The following PTPN14 variants were observed in gnomAD, a reference collection of about 807,000 sequenced individuals.
PTPN14 encodes protein tyrosine phosphatase non-receptor type 14.
Under a neutral mutation model 126.8 loss-of-function variants are expected in PTPN14, and 53 were observed. That is an observed-to-expected ratio of 0.42 (90% CI 0.34 to 0.53). PTPN14 has a LOEUF of 0.53. PTPN14 is among the 20% of genes least tolerant of loss of function. PTPN14 has a pLI of 0.08. For missense variants in PTPN14, 1,257 were observed against 1,552.9 expected (o/e 0.81, Z 3.20); for synonymous variants, 630 against 599.3 (o/e 1.05, Z -0.75).
chr1:214,383,827 C>A lies in PTPN14; in HGVS notation c.2028G>T (p.Pro676=), dbSNP rs200185375. Residue 676 remains proline (P), a synonymous_variant, in exon 13 of 19, where the codon CCG becomes CCT. Transcript: ENST00000366956. The surrounding 1 kb of genome is among the most constrained non-coding windows in gnomAD (Gnocchi z 4.4). ...CGTGGCTGCCTGACCCCTCCTCGGG[C>A]GGTCCCTGCTCCCGGAGCGTGTTGC... ...ARRNTLREQG[P]PEEGSGSHEV... The A allele has an allele frequency of 1.9e-6, 3 of 1,612,412 alleles. No homozygotes were observed. Among genetic ancestry groups the A allele is most frequent in the Non-Finnish European group, 2.5e-6 (3 of 1,179,988 alleles).
At chr1:214,470,541 T>C (rs1415413501) in intron 1 of PTPN14, among the ~76,000 whole-genome samples, 1 of 151,820 alleles carries the variant, frequency 6.6e-6, no homozygotes, top group African/African-American at 2.4e-5. Context: ...CCAACACTTT[T>C]GGAGGCCGGG....
rs116196002 is a variant in PTPN14 at position 214,439,700 on chromosome 1, T to C, written c.344+12105A>G. 2.0e-4 allele frequency among the ~76,000 whole-genome samples: 31 copies of C among 152,308 alleles called. No homozygotes were observed. In the South Asian group the frequency reaches 3.1e-3, roughly 15 times the overall value. ...CAAAGTACACCAGAAAGCAGTATCA[T>C]TATTTGAGTCACACCTGGTAACTTG... is the stretch of plus-strand genomic sequence containing the variant. On this transcript the variant is annotated intron_variant, in intron 3 of 18. Coordinates refer to ENST00000366956, the MANE Select transcript of PTPN14 (RefSeq NM_005401.5).
intron 14 of PTPN14, among the ~76,000 whole-genome samples, chr1:214,377,242 A>G (rs1200376262): frequency 1.3e-5 from 2 of 152,256 alleles, no homozygotes; most frequent in African/African-American, 2.4e-5. Flanking sequence ...ATGGAGCTGG[A>G]GGCTATTATC....
At position 214,427,566 on chromosome 1, in the gene PTPN14, G is replaced by C. The variant is rs1659697155; in HGVS notation, c.345-12840C>G. On this transcript the variant is annotated intron_variant, in intron 3 of 18. Coordinates refer to ENST00000366956, the MANE Select transcript of PTPN14 (RefSeq NM_005401.5). Reference sequence around the variant, plus strand: ...CTTAATGAGCACCTACTACATGCCAGGAGTTATTCTAGGCACTAGGGATAT... The same window carrying C: ...CTTAATGAGCACCTACTACATGCCACGAGTTATTCTAGGCACTAGGGATAT... Among the ~76,000 whole-genome samples the C allele has an allele frequency of 2.0e-5, 3 of 152,216 alleles. No homozygotes were observed. In the South Asian group the frequency reaches 6.2e-4, roughly 32 times the overall value.
Position 214,384,669 on chromosome 1 carries a change from AGTT to A in PTPN14, c.1183_1185del (p.Asn395del). On this transcript the variant is annotated inframe_deletion, in exon 13 of 19. Transcript: ENST00000366956. This position sits in a 1 kb window ranked among gnomAD's most constrained non-coding sequence, Gnocchi z 5.3. Reference sequence around the variant, plus strand: ...ATGAAACTTTGCGAGCAGTTGAGGGAGTTGACGCTGTGAACGCTACACACGCTG... The same window carrying A: ...ATGAAACTTTGCGAGCAGTTGAGGGAGACGCTGTGAACGCTACACACGCTG... 1 of 1,614,060 alleles carries A rather than the reference AGTT, an allele frequency of 6.2e-7. No individual in the cohort carries two copies. Among genetic ancestry groups the A allele is most frequent in the Non-Finnish European group, 8.5e-7 (1 of 1,180,016 alleles).
chr1:214,391,127 G>T, intron 10 of PTPN14, 82 bp from the exon 11 acceptor site: 1 of 941,632 alleles, frequency 1.1e-6, no homozygotes, highest in Admixed American at 2.9e-5. Flanking sequence ...GAGAGGAAGA[G>T]AATAAACAAG....
intron 1 of PTPN14, among the ~76,000 whole-genome samples, chr1:214,550,439 G>A (rs186225485): frequency 7.0e-4 from 107 of 152,274 alleles, no homozygotes; most frequent in Middle Eastern, 3.4e-3. Flanking sequence ...GAAGTGAGAG[G>A]GAAAGGGAGA....
intron 5 of PTPN14, among the ~76,000 whole-genome samples, chr1:214,403,939 C>T (rs547726580): frequency 4.9e-4 from 75 of 152,186 alleles, no homozygotes; most frequent in Middle Eastern, 6.8e-3. Context: ...ACCTCCAGAG[C>T]AGATGTCAGA....
intron 1 of PTPN14, chr1:214,528,327 T>C (rs1655453960): frequency 6.6e-6 from 1 of 152,122 alleles, no homozygotes; most frequent in South Asian, 2.1e-4. Flanking sequence ...CACCTGGAAA[T>C]AACCCAAATA....
At position 214,464,699 on chromosome 1, in the gene PTPN14, G is replaced by C. The variant is rs777612164; in HGVS notation, c.105C>G (p.Cys35Trp). Residue 35 changes from cysteine to tryptophan, a missense_variant, in exon 2 of 19, where the codon TGC becomes TGG. By Grantham distance (215) the Cys-to-Trp change is radical (BLOSUM62 -2). This residue lies in a region of PTPN14 where 1,021 missense variants were observed against 1,183.3 expected (regional missense o/e 0.86). Transcript: ENST00000366956. ...IRLLDSNVIE[C>W]TLSVESTGQE... The stretch of plus-strand genomic sequence containing the variant: ...GCCCTGTGCTTTCCACCGACAGCGT[G>C]CACTCGATAACATTGCTGTCCAGCA... The C allele has an allele frequency of 5.0e-6, 8 of 1,614,172 alleles. No individual in the cohort carries two copies. The African/African-American group carries it at 1.1e-4, about 22-fold the overall frequency.
chr1:214,500,027 T>G (rs1654641904), intron 1 of PTPN14, among the ~76,000 whole-genome samples: 1 of 151,560 alleles, frequency 6.6e-6, no homozygotes, highest in Admixed American at 6.6e-5. Flanking sequence ...TGAGAAAATG[T>G]CACACATTGT....
intron 12 of PTPN14, among the ~76,000 whole-genome samples, chr1:214,385,194 T>C (rs886136732): frequency 6.6e-6 from 1 of 152,072 alleles, no homozygotes; most frequent in East Asian, 1.9e-4. Flanking sequence ...AATAGGGCAA[T>C]AGATTTCAAT....
intron 3 of PTPN14, among the ~76,000 whole-genome samples, chr1:214,432,742 T>A (rs371519915): frequency 2.8e-5 from 4 of 144,502 alleles, no homozygotes; most frequent in Non-Finnish European, 4.6e-5. Flanking sequence ...AGTTTTTTTT[T>A]AAAAGAAAAG....
At chr1:214,475,118 G>A (rs56156299) in intron 1 of PTPN14, among the ~76,000 whole-genome samples, 2,485 of 152,192 alleles carry the variant, frequency 0.016, 68 homozygotes, top group African/African-American at 0.057. Flanking sequence ...CTACAGCTTT[G>A]TATGTGCCTA....
intron 2 of PTPN14, among the ~76,000 whole-genome samples, chr1:214,456,220 CA>C (rs1459454730): frequency 6.6e-6 from 1 of 152,156 alleles, no homozygotes; most frequent in East Asian, 1.9e-4. Flanking sequence ...CATCCAGAAG[CA>C]AAAGTTTAAA....
At position 214,392,503 on chromosome 1, in the gene PTPN14, A is replaced by G. The variant is rs78353194; in HGVS notation, c.929+1192T>C. Among the ~76,000 whole-genome samples the G allele has an allele frequency of 6.5e-3, 983 of 152,294 alleles. 12 individuals are homozygous for G. The highest frequency in any genetic ancestry group is 0.022 in the African/African-American group (930 of 41,554). On this transcript the variant is annotated intron_variant, in intron 10 of 18. Transcript: ENST00000366956. ...TTCTCAGTTTTTAAATTCATCCTAC[A>G]GAAGTCAAGGATAGCATTCTTGTTC... is the stretch of plus-strand genomic sequence containing the variant.
intron 13 of PTPN14, among the ~76,000 whole-genome samples, chr1:214,381,927 C>A (rs756987863): frequency 7.2e-5 from 11 of 152,032 alleles, no homozygotes; most frequent in Non-Finnish European, 1.6e-4. Flanking sequence ...TTTTCTGAGA[C>A]GGGGTCTTGC....
At chr1:214,461,632 C>T (rs1660514781) in intron 2 of PTPN14, among the ~76,000 whole-genome samples, 2 of 40,902 alleles carry the variant, frequency 4.9e-5, no homozygotes, top group Non-Finnish European at 8.9e-5. Context: ...CCTGTCTCAA[C>T]TGGAAAAAAA....
chr1:214,433,527 A>T (rs1659839775), intron 3 of PTPN14, among the ~76,000 whole-genome samples: 1 of 152,124 alleles, frequency 6.6e-6, no homozygotes, highest in Non-Finnish European at 1.5e-5. Context: ...GATTCCTACA[A>T]GGATTGATTG....
Sources: allele counts gnomAD v4.1 joint callset (sites outside exome capture counted in the v4.1 genomes callset), GRCh38; gene constraint gnomAD v4.1.1; regional missense constraint gnomAD v4.1.1; non-coding constraint Gnocchi (gnomAD v3.1); transcripts MANE v1.5; gene names NCBI Gene and HGNC (gene_info 2026-07-23, HGNC 2026-07-21).